CCDC122: variants seen among roughly 807,000 people sequenced by gnomAD.
CCDC122 encodes the protein coiled-coil domain-containing protein 122.
A neutral mutation model predicts 37.0 loss-of-function variants in CCDC122; 38 were observed. The ratio of observed to expected loss-of-function variants is 1.03; its 90% CI spans 0.79 to 1.35. The LOEUF (loss-of-function observed/expected upper bound fraction) is 1.35, where lower values mean the gene tolerates loss of function less well. Ranked by LOEUF, CCDC122 falls within the 40% of genes most tolerant of loss-of-function variation. The probability of loss-of-function intolerance (pLI) is 0.00; values close to 1 mark genes in which losing one functional copy is unlikely to be tolerated. For missense variants in CCDC122, 305 were observed against 310.0 expected (o/e 0.98, Z 0.12); for synonymous variants, 83 against 95.6 (o/e 0.87, Z 0.77).
At chr13:43,872,054 A>G (rs1954470434) in intron 2 of CCDC122, among the ~76,000 whole-genome samples, 1 of 151,868 alleles carries the variant, frequency 6.6e-6, no homozygotes, top group South Asian at 2.1e-4. Context: ...TCTTTCATCT[A>G]TTCTCCCCAG....
At chr13:43,872,370 A>G (rs1268208725) in intron 2 of CCDC122, among the ~76,000 whole-genome samples, 1 of 152,134 alleles carries the variant, frequency 6.6e-6, no homozygotes, top group Non-Finnish European at 1.5e-5. Flanking sequence ...TGCTTAAAGA[A>G]AGACATGCAA....
chr13:43,821,107 G>A (rs1952989779), downstream of CCDC122, among the ~76,000 whole-genome samples: 1 of 152,080 alleles, frequency 6.6e-6, no homozygotes, highest in South Asian at 2.1e-4. Context: ...TTGACCTTTG[G>A]GAGTTTCGGA....
chr13:43,854,137 A>C (rs1953830900), intron 6 of CCDC122: 1 of 130,042 alleles, frequency 7.7e-6, no homozygotes, highest in African/African-American at 2.9e-5. Flanking sequence ...CCAAAATCAG[A>C]GCTGAAGGAG....
At chr13:43,845,355 T>C (rs534514397) in intron 6 of CCDC122, among the ~76,000 whole-genome samples, 1 of 152,200 alleles carries the variant, frequency 6.6e-6, no homozygotes. Context: ...AAAAGACCCA[T>C]CTCTTTATCT....
downstream of CCDC122, among the ~76,000 whole-genome samples, chr13:43,821,359 G>T (rs2153867354): frequency 6.6e-6 from 1 of 152,336 alleles, no homozygotes; most frequent in Middle Eastern, 3.4e-3. Flanking sequence ...GAGTAGCTGG[G>T]ATTACAGGCG....
At chr13:43,835,393 T>A (rs1249681938), downstream of CCDC122, among the ~76,000 whole-genome samples, 1 of 152,062 alleles carries the variant, frequency 6.6e-6, no homozygotes, top group African/African-American at 2.4e-5. Context: ...CACACCAACA[T>A]GGCACATGTA....
intron 2 of CCDC122, 55 bp from the exon 3 acceptor site, chr13:43,869,544 C>T: frequency 1.8e-6 from 1 of 551,740 alleles, no homozygotes; most frequent in Non-Finnish European, 3.1e-6. Context: ...GACATTTTAT[C>T]ATTAGTGCCA....
At chr13:43,873,769 C>T (rs1406784785) in intron 2 of CCDC122, among the ~76,000 whole-genome samples, 3 of 152,142 alleles carry the variant, frequency 2.0e-5, no homozygotes, top group African/African-American at 7.2e-5. Flanking sequence ...GTAGAGAAGC[C>T]TTCCCTGATA....
chr13:43,837,297 T>A lies in CCDC122; in HGVS notation c.805A>T (p.Ile269Phe). 1.2e-6 allele frequency: 2 copies of A among 1,614,010 alleles called. No homozygotes were observed. Among genetic ancestry groups the A allele is most frequent in the Non-Finnish European group, 1.7e-6 (2 of 1,179,978 alleles). Residue 269 changes from isoleucine to phenylalanine, a missense_variant, in exon 7 of 7, where the codon ATT becomes TTT. Physicochemically the swap from Ile to Phe is conservative, Grantham distance 21. Transcript: ENST00000444614. ...EKTAAELRKC[I>F]GMQE Reference sequence around the variant, plus strand: ...TGGCAATGTTACTCTTGCATTCCAATGCATTTTCTTAATTCGGCTGCAGTT... The same window carrying A: ...TGGCAATGTTACTCTTGCATTCCAAAGCATTTTCTTAATTCGGCTGCAGTT...
chr13:43,862,308 C>T (rs9562517), intron 4 of CCDC122, among the ~76,000 whole-genome samples: 2,809 of 152,230 alleles, frequency 0.018, 65 homozygotes, highest in East Asian at 0.078. Context: ...TCCGACCTAA[C>T]GGCTTTTTAA....
chr13:43,863,147 GT>G (rs1954165856), intron 4 of CCDC122, among the ~76,000 whole-genome samples: 1 of 152,034 alleles, frequency 6.6e-6, no homozygotes, highest in Non-Finnish European at 1.5e-5. Context: ...ATTCAAAAAA[GT>G]TTTCTCCTGA....
chr13:43,874,703 G>C (rs971144094), intron 2 of CCDC122, 139 bp downstream of exon 2: 1 of 152,124 alleles, frequency 6.6e-6, no homozygotes, highest in Non-Finnish European at 1.5e-5. Flanking sequence ...GCCATCTACC[G>C]ATAATTCATT....
chr13:43,868,283 T>G (rs1954338712), intron 4 of CCDC122, among the ~76,000 whole-genome samples: 1 of 152,052 alleles, frequency 6.6e-6, no homozygotes, highest in Admixed American at 6.6e-5. Context: ...GGATTATCAA[T>G]ATATTTAAAA....
intron 1 of CCDC122, among the ~76,000 whole-genome samples, chr13:43,877,437 C>A (rs770939056): frequency 6.6e-5 from 10 of 152,062 alleles, no homozygotes; most frequent in Non-Finnish European, 1.3e-4. Flanking sequence ...AATTTACATA[C>A]CACAAAGTAC....
intron 2 of CCDC122, among the ~76,000 whole-genome samples, chr13:43,874,533 T>A (rs1334708435): frequency 6.6e-6 from 1 of 152,310 alleles, no homozygotes; most frequent in East Asian, 1.9e-4. Context: ...CTAGTACTTC[T>A]TGATCTCTAT....
At chr13:43,850,476 T>C (rs1953688529) in intron 6 of CCDC122, among the ~76,000 whole-genome samples, 2 of 152,018 alleles carry the variant, frequency 1.3e-5, no homozygotes, top group South Asian at 4.1e-4. Context: ...CAAAGGAATA[T>C]AAGATATAAG....
At position 43,859,710 on chromosome 13, in the gene CCDC122, G is replaced by A; in HGVS notation, c.517C>T (p.Leu173Phe). 6.3e-7 allele frequency: 1 copy of A among 1,575,380 alleles called. No homozygotes were observed. The highest frequency in any genetic ancestry group is 2.0e-5 in the Admixed American group (1 of 49,834). ...ATTCGGTTCCCTCCTGGATTTTGAA[G>A]ATCTTGCATAAGTTCTTCTTTCATT... ...KTMKEELMQD[L>F]QNPGGNRITQ... Residue 173 changes from leucine (L) to phenylalanine (F), a missense_variant, in exon 5 of 7, where the codon CTT (leucine) becomes TTT (phenylalanine). Physicochemically the swap from Leu to Phe is conservative, Grantham distance 22. Transcript: ENST00000444614.
rs771319117 is a variant in CCDC122, at chr13:43,869,440, T to G, written c.-64A>C. On this transcript the variant is annotated 5_prime_UTR_variant, in exon 3 of 7. Transcript: ENST00000444614. Reference sequence around the variant, plus strand: ...CCTTCTTTACTCCTACTCAATAATCTATATTGATAATCTTTCACTTTTGTT... The same window carrying G: ...CCTTCTTTACTCCTACTCAATAATCGATATTGATAATCTTTCACTTTTGTT... The G allele has an allele frequency of 2.3e-6, 3 of 1,277,996 alleles. No homozygotes were observed. Among genetic ancestry groups the G allele is most frequent in the Non-Finnish European group, 3.3e-6 (3 of 901,674 alleles). 79.2% of individuals were successfully genotyped at this position (1,277,996 alleles called of 1,614,324 possible).
intron 4 of CCDC122, among the ~76,000 whole-genome samples, chr13:43,866,694 G>C (rs539571711): frequency 1.2e-4 from 19 of 152,228 alleles, no homozygotes; most frequent in Non-Finnish European, 2.1e-4. Flanking sequence ...CGATGGCATT[G>C]TAAGTAGTAT....
Sources: allele counts gnomAD v4.1 joint callset (sites outside exome capture counted in the v4.1 genomes callset), GRCh38; gene constraint gnomAD v4.1.1; transcripts MANE v1.5; gene names NCBI Gene and HGNC (gene_info 2026-07-23, HGNC 2026-07-21).